DCAF1: variants seen among roughly 807,000 people sequenced by gnomAD.
DCAF1 encodes the protein DDB1- and CUL4-associated factor 1.
Under a neutral mutation model 128.0 loss-of-function variants are expected in DCAF1, and 15 were observed. The ratio of observed to expected loss-of-function variants is 0.12; its 90% CI spans 0.08 to 0.18. DCAF1 has a LOEUF of 0.18. Among genes scored for constraint, DCAF1 ranks in the 10% least tolerant of loss-of-function variants. DCAF1 has a pLI of 1.00. For missense variants in DCAF1, 988 were observed against 1,649.5 expected (o/e 0.60, Z 6.95); for synonymous variants, 610 against 603.0 (o/e 1.01, Z -0.17).
At chr3:51,486,618 A>G (rs2108465002) in intron 2 of DCAF1, among the ~76,000 whole-genome samples, 1 of 151,906 alleles carries the variant, frequency 6.6e-6, no homozygotes, top group South Asian at 2.1e-4. Flanking sequence ...TCTACTAACT[A>G]TACATACGTT....
chr3:51,423,464 C>T (rs1167346998), intron 13 of DCAF1, among the ~76,000 whole-genome samples: 4 of 150,184 alleles, frequency 2.7e-5, no homozygotes, highest in African/African-American at 4.9e-5. Flanking sequence ...ATTGAGCCAC[C>T]GCACTCCAGC....
intron 3 of DCAF1, among the ~76,000 whole-genome samples, chr3:51,478,656 G>A (rs1343083860): frequency 3.3e-5 from 5 of 151,776 alleles, no homozygotes; most frequent in South Asian, 2.1e-4. Flanking sequence ...TTCTTTTTTT[G>A]TTTTGTTTTT....
intron 8 of DCAF1, 37 bp from the exon 9 acceptor site, chr3:51,441,108 C>T: frequency 6.4e-7 from 1 of 1,561,026 alleles, no homozygotes. Context: ...TAAATTTTGG[C>T]TTTATTGTCA....
At chr3:51,466,714 TAGG>T in intron 5 of DCAF1, 86 bp downstream of exon 5, 10 of 1,360,832 alleles carry the variant, frequency 7.3e-6, no homozygotes, top group Non-Finnish European at 1.0e-5. Flanking sequence ...GTCAAGGCCT[TAGG>T]AGAAGGCAAA....
At position 51,420,824 on chromosome 3, in the gene DCAF1, T is replaced by C. The variant is rs1294598573; in HGVS notation, c.2146A>G (p.Lys716Glu). ...TPRRKLPQNP[K>E]SSEHTLAKMW... Reference sequence around the variant, plus strand: ...TTGGCCAGGGTGTGCTCACTGCTTTTAGGGTTCTGAGGCAGCTTTCTCCGA... The same window carrying C: ...TTGGCCAGGGTGTGCTCACTGCTTTCAGGGTTCTGAGGCAGCTTTCTCCGA... The change falls in exon 15 of 25, where the codon AAA becomes GAA. Residue 716 changes from lysine to glutamate, a missense_variant. By Grantham distance (56) the Lys-to-Glu change is moderately conservative. Coordinates refer to ENST00000684031, the MANE Select transcript of DCAF1 (RefSeq NM_001387579.1). The surrounding 1 kb of genome is among the most constrained non-coding windows in gnomAD (Gnocchi z 6.5). 6.2e-7 allele frequency: 1 copy of C among 1,613,916 alleles called. No homozygotes were observed. Among genetic ancestry groups the C allele is most frequent in the Non-Finnish European group, 8.5e-7 (1 of 1,179,904 alleles).
At chr3:51,456,614 C>A (rs1471225323) in intron 6 of DCAF1, among the ~76,000 whole-genome samples, 1 of 152,196 alleles carries the variant, frequency 6.6e-6, no homozygotes, top group Non-Finnish European at 1.5e-5. Flanking sequence ...CGGACTGCCT[C>A]CTCAAGTGGG....
intron 3 of DCAF1, 70 bp downstream of exon 3, chr3:51,483,649 G>GTGTGTGT: frequency 1.1e-5 from 10 of 880,676 alleles, no homozygotes; most frequent in Admixed American, 1.8e-5. Context: ...GTGTGTGTAT[G>GTGTGTGT]AAGAAATCTA....
At chr3:51,453,018 A>G (rs1051412410) in intron 6 of DCAF1, among the ~76,000 whole-genome samples, 10 of 151,096 alleles carry the variant, frequency 6.6e-5, no homozygotes, top group African/African-American at 2.4e-4. Flanking sequence ...TCTGTCTCAA[A>G]AAAAAAAAAA....
chr3:51,467,513 G>A (rs1553646902), intron 4 of DCAF1, among the ~76,000 whole-genome samples: 4 of 152,008 alleles, frequency 2.6e-5, no homozygotes, highest in Admixed American at 2.6e-4. Flanking sequence ...GTGGGGAGAG[G>A]GGAGAGGGAC....
At chr3:51,407,810 A>G (rs1443636357) in intron 23 of DCAF1, among the ~76,000 whole-genome samples, 1 of 152,022 alleles carries the variant, frequency 6.6e-6, no homozygotes, top group African/African-American at 2.4e-5. Context: ...TAACATGGTG[A>G]AACCCCATCT....
At chr3:51,482,689 C>T (rs1276858173) in intron 3 of DCAF1, among the ~76,000 whole-genome samples, 6 of 144,506 alleles carry the variant, frequency 4.2e-5, no homozygotes, top group Non-Finnish European at 4.5e-5. Flanking sequence ...AACTTGAACC[C>T]GGGAGGCGGA....
intron 18 of DCAF1, 103 bp downstream of exon 18, chr3:51,416,684 T>C: frequency 1.3e-6 from 2 of 1,487,638 alleles, no homozygotes; most frequent in Non-Finnish European, 9.1e-7. Flanking sequence ...ATCACTGATT[T>C]CTAGTTGCCC....
At chr3:51,422,818 C>T (rs539355858) in intron 13 of DCAF1, among the ~76,000 whole-genome samples, 11 of 152,060 alleles carry the variant, frequency 7.2e-5, no homozygotes, top group African/African-American at 2.7e-4. Flanking sequence ...AATCCCAACA[C>T]TTTAGGAGGC....
At chr3:51,445,483 A>C (rs1411936725) in intron 6 of DCAF1, among the ~76,000 whole-genome samples, 1 of 152,198 alleles carries the variant, frequency 6.6e-6, no homozygotes, top group Non-Finnish European at 1.5e-5. Context: ...CAGGTACTAT[A>C]TTTGCAGATG....
chr3:51,450,459 C>T (rs1431300075), intron 6 of DCAF1, among the ~76,000 whole-genome samples: 1 of 152,160 alleles, frequency 6.6e-6, no homozygotes, highest in Non-Finnish European at 1.5e-5. Flanking sequence ...GACAGTTCAA[C>T]ATACCACATA....
intron 3 of DCAF1, among the ~76,000 whole-genome samples, chr3:51,477,873 A>G (rs913275680): frequency 6.6e-6 from 1 of 152,062 alleles, no homozygotes; most frequent in East Asian, 1.9e-4. Flanking sequence ...AACCCCTTTA[A>G]TATTTACAAA....
chr3:51,477,687 T>G (rs1553651142), intron 3 of DCAF1, among the ~76,000 whole-genome samples: 1 of 152,136 alleles, frequency 6.6e-6, no homozygotes, highest in Non-Finnish European at 1.5e-5. Context: ...TGCAGTTTTT[T>G]GCAAGTAAAT....
upstream of DCAF1, among the ~76,000 whole-genome samples, chr3:51,503,217 G>A (rs1156965817): frequency 6.6e-6 from 1 of 152,084 alleles, no homozygotes; most frequent in Non-Finnish European, 1.5e-5. Flanking sequence ...TTTGGGGGCT[G>A]CCCAGCAGCA....
chr3:51,417,997 G>C, intron 17 of DCAF1, 119 bp downstream of exon 17: 2 of 1,309,366 alleles, frequency 1.5e-6, no homozygotes, highest in South Asian at 3.0e-5. Flanking sequence ...GAAGAGAGAA[G>C]TTAACAATAA....
Sources: allele counts gnomAD v4.1 joint callset (sites outside exome capture counted in the v4.1 genomes callset), GRCh38; gene constraint gnomAD v4.1.1; non-coding constraint Gnocchi (gnomAD v3.1); transcripts MANE v1.5; gene names NCBI Gene and HGNC (gene_info 2026-07-23, HGNC 2026-07-21).